The following PHLDB3 variants were observed in gnomAD, a reference collection of about 807,000 sequenced individuals.
PHLDB3 encodes the protein pleckstrin homology like domain family B member 3.
Under a neutral mutation model 85.7 loss-of-function variants are expected in PHLDB3, and 86 were observed. That is an observed-to-expected ratio of 1.00 (90% CI 0.84 to 1.20). PHLDB3 has a LOEUF of 1.20. PHLDB3 is among the 50% of genes most tolerant of loss of function. The pLI, the probability that PHLDB3 is intolerant of heterozygous loss-of-function variation, is 0.00. For synonymous variants in PHLDB3, 376 were observed against 349.8 expected (o/e 1.07, Z -0.83); for missense variants, 995 against 873.0 (o/e 1.14, Z -1.76).
Position 43,502,205 on chromosome 19 carries a change from C to G in PHLDB3, c.292G>C (p.Ala98Pro). Residue 98 changes from alanine to proline, a missense_variant, in exon 3 of 16, where the codon GCG becomes CCG. Ala to Pro is a conservative substitution (Grantham distance 27, BLOSUM62 -1). Transcript: ENST00000292140. ...TSSREGVRGA[A>P]RRLQGQQLEA... Reference sequence around the variant, plus strand: ...AGCTGCTGTCCTTGCAGGCGCCGCGCCGCCCCTCGCACCCCTTCCCGCGAA... The same window carrying G: ...AGCTGCTGTCCTTGCAGGCGCCGCGGCGCCCCTCGCACCCCTTCCCGCGAA... The G allele has an allele frequency of 6.4e-7, 1 of 1,567,768 alleles. No individual in the cohort carries two copies.
intron 9 of PHLDB3, among the ~76,000 whole-genome samples, chr19:43,492,602 G>T (rs971934594): frequency 1.4e-5 from 2 of 145,496 alleles, no homozygotes; most frequent in African/African-American, 5.2e-5. Context: ...TCTGGCCTGG[G>T]TGACAGAGCC....
intron 4 of PHLDB3, among the ~76,000 whole-genome samples, chr19:43,500,106 G>A (rs1402671883): frequency 4.6e-5 from 7 of 152,128 alleles, no homozygotes; most frequent in African/African-American, 1.7e-4. Context: ...GGGCATGGTG[G>A]TGCATGCCTG....
chr19:43,480,012 T>C (rs1210938460), intron 13 of PHLDB3, among the ~76,000 whole-genome samples: 1 of 151,830 alleles, frequency 6.6e-6, no homozygotes, highest in African/African-American at 2.4e-5. Context: ...CTTATGCCTG[T>C]AATCTCAGAA....
intron 13 of PHLDB3, among the ~76,000 whole-genome samples, chr19:43,484,867 T>G (rs1255795588): frequency 6.6e-6 from 1 of 152,112 alleles, no homozygotes; most frequent in African/African-American, 2.4e-5. Flanking sequence ...AGAATTATTC[T>G]TATAATTCTA....
chr19:43,502,410 C>T, intron 2 of PHLDB3, 127 bp from the exon 3 acceptor site: 1 of 809,234 alleles, frequency 1.2e-6, no homozygotes, highest in Non-Finnish European at 1.9e-6. Flanking sequence ...CTAACACAAC[C>T]ACCACTCCCA....
chr19:43,502,533 C>G (rs977670811), intron 2 of PHLDB3, among the ~76,000 whole-genome samples: 2 of 148,528 alleles, frequency 1.3e-5, no homozygotes, highest in African/African-American at 5.0e-5. Context: ...ACTGCAGCAT[C>G]GACCTCCCTC....
chr19:43,484,923 T>A (rs1381176396), intron 13 of PHLDB3, among the ~76,000 whole-genome samples: 3 of 151,786 alleles, frequency 2.0e-5, no homozygotes, highest in Non-Finnish European at 4.4e-5. Flanking sequence ...GCCAGGAGTT[T>A]GAGATCAGCC....
chr19:43,487,585 A>AAAAAAAAAAC (rs1568477408), intron 9 of PHLDB3, among the ~76,000 whole-genome samples: 1 of 141,632 alleles, frequency 7.1e-6, no homozygotes, highest in East Asian at 2.1e-4. Context: ...AAAAAAAAAA[A>AAAAAAAAAAC]AAAAAAACAC....
At chr19:43,502,328 T>A in intron 2 of PHLDB3, 45 bp from the exon 3 acceptor site, 1 of 1,511,262 alleles carries the variant, frequency 6.6e-7, no homozygotes, top group Non-Finnish European at 8.9e-7. Flanking sequence ...CCTCGCCCCC[T>A]GCAATCACTA....
rs1343156265 is a variant in PHLDB3 at position 43,487,201 on chromosome 19, C to T, written c.1150-78G>A. The T allele has an allele frequency of 1.2e-5, 14 of 1,194,344 alleles. No individual in the cohort carries two copies. In the Admixed American group the frequency reaches 2.7e-4, roughly 23 times the overall value. The allele number at this position is 1,194,344 out of a possible 1,614,324, so 74.0% of individuals were successfully genotyped here. On this transcript the variant is annotated intron_variant, in intron 9 of 15. Transcript: ENST00000292140. ...AAGTCAGAGCACTGCCCAGTGAAGC[C>T]ACCACCCAGTCAGCACAAATCAAAA...
intron 13 of PHLDB3, among the ~76,000 whole-genome samples, chr19:43,482,250 C>A (rs550497786): frequency 1.3e-5 from 2 of 152,292 alleles, no homozygotes; most frequent in South Asian, 2.1e-4. Context: ...GGCTGTGTCA[C>A]CTCCACAGAA....
chr19:43,502,220 C>G lies in PHLDB3; in HGVS notation c.277G>C (p.Gly93Arg). The change falls in exon 3 of 16, where the codon GGG becomes CGG. Residue 93 changes from glycine to arginine, a missense_variant. By Grantham distance (125) the Gly-to-Arg change is moderately radical. Transcript: ENST00000292140. ...TPPASTSSRE[G>R]VRGAARRLQG... The stretch of plus-strand genomic sequence containing the variant: ...AGGCGCCGCGCCGCCCCTCGCACCC[C>G]TTCCCGCGAAGAGGTGGATGCGGGA... 1 of 1,564,356 alleles carries G rather than the reference C, an allele frequency of 6.4e-7. No individual in the cohort carries two copies. Among genetic ancestry groups the G allele is most frequent in the Non-Finnish European group, 8.7e-7 (1 of 1,155,452 alleles).
intron 13 of PHLDB3, among the ~76,000 whole-genome samples, chr19:43,485,559 ATT>A (rs754136421): frequency 1.2e-4 from 16 of 132,540 alleles, no homozygotes; most frequent in East Asian, 2.2e-4. Context: ...TTTGGTTTTG[ATT>A]TTTTTTTTTT....
chr19:43,500,908 TA>T (rs371873871), intron 4 of PHLDB3, among the ~76,000 whole-genome samples: 648 of 8,254 alleles, frequency 0.079, 82 homozygotes, highest in East Asian at 0.4. Context: ...CCGCCCCCCG[TA>T]CCCCCCCCCC....
chr19:43,501,678 A>T (rs887597964), intron 4 of PHLDB3, 56 bp downstream of exon 4: 7 of 1,556,980 alleles, frequency 4.5e-6, no homozygotes, highest in Middle Eastern at 1.7e-4. Flanking sequence ...GGAGCACACC[A>T]ACATCCATGG....
intron 9 of PHLDB3, among the ~76,000 whole-genome samples, chr19:43,487,723 G>A (rs532081882): frequency 4.0e-4 from 61 of 152,124 alleles, no homozygotes; most frequent in African/African-American, 1.4e-3. Context: ...TCTTTTGGGG[G>A]ATAATGAAAA....
rs1379911197 is a variant in PHLDB3, at chr19:43,479,388, G to A, written c.1691C>T (p.Ala564Val). 5 of 1,563,238 alleles carry A rather than the reference G, an allele frequency of 3.2e-6. No individual in the cohort carries two copies. Among genetic ancestry groups the A allele is most frequent in the Non-Finnish European group, 4.3e-6 (5 of 1,154,382 alleles). Reference protein sequence around the residue: ...FCFDRQARRLAYYADKEETKL... With the variant: ...FCFDRQARRLVYYADKEETKL... Reference sequence around the variant, plus strand: ...CAGGCTGGGCTTACCCGCATAGTAGGCCAAGCGGCGGGCTTGGCGGTCAAA... The same window carrying A: ...CAGGCTGGGCTTACCCGCATAGTAGACCAAGCGGCGGGCTTGGCGGTCAAA... The change falls in exon 14 of 16, where the codon GCC becomes GTC. Residue 564 changes from alanine (A) to valine (V), a missense_variant. Ala to Val is a moderately conservative substitution (Grantham distance 64). Coordinates refer to ENST00000292140, the MANE Select transcript of PHLDB3 (RefSeq NM_198850.4).
intron 4 of PHLDB3, among the ~76,000 whole-genome samples, chr19:43,500,909 A>ACTCCCCCCCCCCCCCCCCC (rs1971573872): frequency 5.8e-5 from 1 of 17,152 alleles, no homozygotes; most frequent in Non-Finnish European, 1.3e-4. Context: ...CGCCCCCCGT[A>ACTCCCCCCCCCCCCCCCCC]CCCCCCCCCC....
rs558407560 is a variant in PHLDB3 at position 43,481,811 on chromosome 19, GAAAA to G, written c.1486-2222_1486-2219del. On this transcript the variant is annotated intron_variant, in intron 13 of 15. Coordinates refer to ENST00000292140, the MANE Select transcript of PHLDB3 (RefSeq NM_198850.4). ...CATGTCTCAAAAAAAAAAAAAGAAA[GAAAA>G]GAAAGAAAACTGAAGCAAGGCCAGA... is the stretch of plus-strand genomic sequence containing the variant. Among the ~76,000 whole-genome samples, 613 of 150,956 alleles carry G rather than the reference GAAAA, an allele frequency of 4.1e-3. 2 individuals carry two copies. The highest frequency in any genetic ancestry group is 7.1e-3 in the South Asian group (34 of 4,794).
Sources: allele counts gnomAD v4.1 joint callset (sites outside exome capture counted in the v4.1 genomes callset), GRCh38; gene constraint gnomAD v4.1.1; transcripts MANE v1.5; gene names NCBI Gene and HGNC (gene_info 2026-07-23, HGNC 2026-07-21).